The following RAPGEF5 variants were observed in gnomAD, a reference collection of about 807,000 sequenced individuals.
RAPGEF5 encodes the protein M-Ras-regulated GEF.
Under a neutral mutation model 125.2 loss-of-function variants are expected in RAPGEF5, and 65 were observed. The ratio of observed to expected loss-of-function variants is 0.52; its 90% CI spans 0.43 to 0.64. The LOEUF (loss-of-function observed/expected upper bound fraction) is 0.64. RAPGEF5 is among the 30% of genes least tolerant of loss of function. The probability of loss-of-function intolerance (pLI) is 0.00; values close to 1 mark genes in which losing one functional copy is unlikely to be tolerated. For missense variants in RAPGEF5, 958 were observed against 1,048.1 expected, an observed-to-expected ratio of 0.91 and a Z score of 1.19; for synonymous variants, 391 against 385.9, an observed-to-expected ratio of 1.01 and a Z score of -0.16.
intron 12 of RAPGEF5, among the ~76,000 whole-genome samples, chr7:22,165,668 T>C (rs930288789): frequency 6.6e-6 from 1 of 152,170 alleles, no homozygotes; most frequent in East Asian, 1.9e-4. Flanking sequence ...AAAGTAATCA[T>C]CATTTCCAGT....
chr7:22,118,891 T>A lies in RAPGEF5; in HGVS notation c.*3515A>T, dbSNP rs62447962. On this transcript the variant is annotated 3_prime_UTR_variant, in exon 26 of 26. Transcript: ENST00000665637. Reference sequence around the variant, plus strand: ...TAACTTTTTGGCAATTTTTAAAAACTTCCCCCCCGCCCCCCCACCAGTTTT... The same window carrying A: ...TAACTTTTTGGCAATTTTTAAAAACATCCCCCCCGCCCCCCCACCAGTTTT... The A allele has an allele frequency of 0.021, 2,839 of 136,662 alleles. 46 individuals are homozygous for A. Among genetic ancestry groups the A allele is most frequent in the Non-Finnish European group, 0.031 (1,967 of 64,134 alleles). 8.5% of individuals were successfully genotyped at this position (136,662 alleles called of 1,614,324 possible). A position where few individuals can be genotyped will look rare whatever the true frequency, so the allele number is the denominator to read the frequency against.
intron 6 of RAPGEF5, among the ~76,000 whole-genome samples, chr7:22,275,873 G>A (rs577543886): frequency 9.9e-5 from 15 of 152,246 alleles, no homozygotes; most frequent in East Asian, 5.8e-4. Context: ...ATTTCCTGTC[G>A]TGGAAATCTC....
chr7:22,259,136 A>T lies in RAPGEF5; in HGVS notation c.796+7828T>A, dbSNP rs1782084634. ...CTGATAAAGAACTGTTATCCAAAAT[A>T]TACAAAGAACTCAAACTCAACAATA... On this transcript the variant is annotated intron_variant, in intron 7 of 25. Coordinates refer to ENST00000665637, the MANE Select transcript of RAPGEF5 (RefSeq NM_012294.5). Among the ~76,000 whole-genome samples the T allele has an allele frequency of 2.0e-5, 3 of 150,442 alleles. No individual in the cohort carries two copies. In the South Asian group the frequency reaches 6.4e-4, roughly 32 times the overall value.
chr7:22,239,547 C>T (rs1244418831), intron 7 of RAPGEF5, among the ~76,000 whole-genome samples: 2 of 152,088 alleles, frequency 1.3e-5, no homozygotes, highest in African/African-American at 2.4e-5. Flanking sequence ...TGGGTGGCCT[C>T]GCTCCACCCT....
chr7:22,335,311 T>C (rs1170472812), intron 1 of RAPGEF5, among the ~76,000 whole-genome samples: 1 of 152,204 alleles, frequency 6.6e-6, no homozygotes, highest in Non-Finnish European at 1.5e-5. Flanking sequence ...CAGCTATCAG[T>C]ATCTTTAAGC....
At chr7:22,122,744 T>C (rs1250510814) in intron 25 of RAPGEF5, among the ~76,000 whole-genome samples, 2 of 152,240 alleles carry the variant, frequency 1.3e-5, no homozygotes, top group Non-Finnish European at 2.9e-5. Flanking sequence ...ATAGCATTTA[T>C]TACCTAACAT....
intron 1 of RAPGEF5, among the ~76,000 whole-genome samples, chr7:22,348,991 T>A (rs1167562361): frequency 6.7e-6 from 1 of 149,906 alleles, no homozygotes; most frequent in Non-Finnish European, 1.5e-5. Context: ...GGAGGGAGGC[T>A]GAGGCACAAG....
At chr7:22,296,519 C>T (rs1365537575) in intron 5 of RAPGEF5, among the ~76,000 whole-genome samples, 1 of 152,082 alleles carries the variant, frequency 6.6e-6, no homozygotes, top group Non-Finnish European at 1.5e-5. Context: ...AGGGACTGCC[C>T]CTAACTGTTT....
At chr7:22,233,256 T>C (rs958803810) in intron 7 of RAPGEF5, among the ~76,000 whole-genome samples, 5 of 152,182 alleles carry the variant, frequency 3.3e-5, no homozygotes, top group African/African-American at 1.2e-4. Flanking sequence ...AGTAATTTTC[T>C]TGGAGGGCAA....
chr7:22,203,542 G>A (rs1298753045), intron 9 of RAPGEF5, among the ~76,000 whole-genome samples: 1 of 152,206 alleles, frequency 6.6e-6, no homozygotes, highest in Non-Finnish European at 1.5e-5. Context: ...AACAAGGTGT[G>A]ATGCCAGCCA....
At chr7:22,355,516 T>C (rs1334436985) in intron 1 of RAPGEF5, among the ~76,000 whole-genome samples, 1 of 152,174 alleles carries the variant, frequency 6.6e-6, no homozygotes, top group Admixed American at 6.5e-5. Flanking sequence ...GGGGACACAT[T>C]TCCTCACTTA....
At chr7:22,174,565 A>G (rs1043188233) in intron 11 of RAPGEF5, among the ~76,000 whole-genome samples, 3 of 152,204 alleles carry the variant, frequency 2.0e-5, no homozygotes, top group Admixed American at 6.5e-5. Context: ...GCAAGTTGGT[A>G]AGTCTTGGTC....
At chr7:22,154,951 A>G (rs927387279) in intron 16 of RAPGEF5, among the ~76,000 whole-genome samples, 1 of 152,246 alleles carries the variant, frequency 6.6e-6, no homozygotes, top group Non-Finnish European at 1.5e-5. Context: ...TGTGGTACAC[A>G]GACTGTATTT....
intron 7 of RAPGEF5, among the ~76,000 whole-genome samples, chr7:22,245,493 G>A (rs964391879): frequency 6.6e-6 from 1 of 151,870 alleles, no homozygotes; most frequent in Admixed American, 6.6e-5. Context: ...TTTGTATATG[G>A]TGTGAGATAG....
rs568892541 is a variant in RAPGEF5, at chr7:22,215,173, A to C, written c.996+4693T>G. Among the ~76,000 whole-genome samples the C allele has an allele frequency of 4.7e-4, 71 of 152,244 alleles. No homozygotes were observed. The South Asian group carries it at 9.8e-3, about 21-fold the overall frequency. ...TGGTCCCAATCTCATTTCTCATGAA[A>C]TCTTCCTTCTCCTGCCTCCCCTCCC... On this transcript the variant is annotated intron_variant, in intron 9 of 25. Transcript: ENST00000665637.
Position 22,166,813 on chromosome 7 carries a change from G to C in RAPGEF5, c.1283+257C>G, listed in dbSNP as rs117615396. Among the ~76,000 whole-genome samples the C allele has an allele frequency of 1.6e-4, 25 of 152,336 alleles. 1 individual carries two copies. The East Asian group carries it at 4.6e-3, about 28-fold the overall frequency. Reference sequence around the variant, plus strand: ...TGCCTCCAGATTTCTAAGCAATCATGAGGCACAGATGTGAAGCGAACATAA... The same window carrying C: ...TGCCTCCAGATTTCTAAGCAATCATCAGGCACAGATGTGAAGCGAACATAA... On this transcript the variant is annotated intron_variant, in intron 12 of 25. Coordinates refer to ENST00000665637, the MANE Select transcript of RAPGEF5 (RefSeq NM_012294.5).
chr7:22,341,688 C>T (rs968269802), intron 1 of RAPGEF5, among the ~76,000 whole-genome samples: 1 of 152,198 alleles, frequency 6.6e-6, no homozygotes, highest in African/African-American at 2.4e-5. Context: ...TGTATCAGTC[C>T]AAAATCCAGC....
chr7:22,204,069 G>C (rs1785343354), intron 9 of RAPGEF5, among the ~76,000 whole-genome samples: 1 of 152,164 alleles, frequency 6.6e-6, no homozygotes, highest in Admixed American at 6.5e-5. Context: ...CGTGGGGTTT[G>C]AATAATCCAT....
intron 1 of RAPGEF5, among the ~76,000 whole-genome samples, chr7:22,322,035 C>T (rs1261272326): frequency 6.6e-6 from 1 of 152,188 alleles, no homozygotes; most frequent in Non-Finnish European, 1.5e-5. Flanking sequence ...CGGTGGATCA[C>T]ATCACTCTAT....
Sources: gnomAD v4.1 joint callset for allele counts (sites outside exome capture counted in the v4.1 genomes callset) on GRCh38, gnomAD v4.1.1 for gene constraint, MANE v1.5 for transcripts, NCBI Gene and HGNC (gene_info 2026-07-23, HGNC 2026-07-21) for gene names.